SUCLA2: variants seen among roughly 807,000 people sequenced by gnomAD.
The protein encoded by SUCLA2 is succinate-CoA ligase ADP-forming subunit beta.
In SUCLA2, 30 loss-of-function variants were observed where a neutral mutation model predicts 54.8. The ratio of observed to expected loss-of-function variants is 0.55; its 90% confidence interval spans 0.41 to 0.74. The LOEUF (loss-of-function observed/expected upper bound fraction) is 0.74. Among genes scored for constraint, SUCLA2 ranks in the 30% least tolerant of loss-of-function variants. SUCLA2 has a pLI of 0.00. For synonymous variants in SUCLA2, 172 were observed against 188.9 expected (o/e 0.91, Z 0.74); for missense variants, 476 against 562.9 (o/e 0.85, Z 1.56).
At chr13:47,994,934 C>G in intron 2 of SUCLA2, 1 of 822,454 alleles carries the variant, frequency 1.2e-6, no homozygotes. Context: ...ATAATCAAAA[C>G]AGATTGGCAT....
At chr13:47,959,359 C>CTTGTAAGGTAAA (rs71099648) in intron 6 of SUCLA2, among the ~76,000 whole-genome samples, 2 of 150,928 alleles carry the variant, frequency 1.3e-5, no homozygotes, top group African/African-American at 4.9e-5. Context: ...GTGAAAAGAT[C>CTTGTAAGGTAAA]TTGCTGTCCT....
At chr13:47,948,884 G>T in intron 10 of SUCLA2, 56 bp downstream of exon 10, 1 of 1,495,998 alleles carries the variant, frequency 6.7e-7, no homozygotes, top group South Asian at 1.1e-5. Flanking sequence ...TAATAATTAG[G>T]TTCATTTTAG....
At chr13:47,970,860 A>C (rs78635299) in intron 5 of SUCLA2, among the ~76,000 whole-genome samples, 1 of 129,348 alleles carries the variant, frequency 7.7e-6, no homozygotes, top group Admixed American at 7.4e-5. Flanking sequence ...ACTCCGTCTC[A>C]AAAAAAAAAT....
At position 47,983,735 on chromosome 13, in the gene SUCLA2, C is replaced by T. The variant is rs558709132; in HGVS notation, c.534+4806G>A. On this transcript the variant is annotated intron_variant, in intron 4 of 10. Coordinates refer to ENST00000646932, the MANE Select transcript of SUCLA2 (RefSeq NM_003850.3). ...CGATCTCCTGACCTTGTGATCCACC[C>T]GCCTCGGCCTCTCAAAGTGCTGGGA... Among the ~76,000 whole-genome samples, 121 of 152,182 alleles carry T rather than the reference C, an allele frequency of 8.0e-4. 4 individuals are homozygous for T. Among genetic ancestry groups the T allele is most frequent in the South Asian group, 1.5e-3 (7 of 4,820 alleles).
chr13:47,959,634 G>A (rs1949851955), intron 6 of SUCLA2, among the ~76,000 whole-genome samples: 1 of 152,188 alleles, frequency 6.6e-6, no homozygotes, highest in Admixed American at 6.5e-5. Context: ...GATGGTCTGT[G>A]TAAGTCATAT....
chr13:47,954,715 C>A (rs1316282091), intron 6 of SUCLA2, among the ~76,000 whole-genome samples, 158 bp from the exon 7 acceptor site: 1 of 152,114 alleles, frequency 6.6e-6, no homozygotes, highest in Admixed American at 6.6e-5. Flanking sequence ...TCAAACTGTT[C>A]TTTAAAAAAG....
At chr13:47,957,871 C>A (rs1949834577) in intron 6 of SUCLA2, among the ~76,000 whole-genome samples, 1 of 152,172 alleles carries the variant, frequency 6.6e-6, no homozygotes, top group Non-Finnish European at 1.5e-5. Context: ...GAGGAAGCAC[C>A]TCAAGTGTGT....
chr13:47,999,132 T>TGCCACTAACTAGG (rs1247706127), intron 1 of SUCLA2, among the ~76,000 whole-genome samples: 1 of 152,118 alleles, frequency 6.6e-6, no homozygotes. Flanking sequence ...TGGCACCTAA[T>TGCCACTAACTAGG]TGGTTAGTTG....
chr13:47,994,104 T>G (rs560189260), intron 2 of SUCLA2, among the ~76,000 whole-genome samples: 2 of 151,488 alleles, frequency 1.3e-5, no homozygotes, highest in Non-Finnish European at 2.9e-5. Flanking sequence ...TAGCATTTTA[T>G]GAATTTTGCA....
At chr13:47,973,107 AAAT>A (rs1475898601) in intron 5 of SUCLA2, among the ~76,000 whole-genome samples, 154 bp downstream of exon 5, 3 of 152,326 alleles carry the variant, frequency 2.0e-5, no homozygotes, top group Non-Finnish European at 2.9e-5. Flanking sequence ...AAAAAATTGT[AAAT>A]AATTCCAAAA....
At chr13:47,963,081 T>G (rs1949884790) in intron 6 of SUCLA2, among the ~76,000 whole-genome samples, 1 of 152,176 alleles carries the variant, frequency 6.6e-6, no homozygotes, top group Admixed American at 6.5e-5. Flanking sequence ...GATTTGAGAC[T>G]GAGATCCTAT....
chr13:47,972,689 G>GA (rs1949977496), intron 5 of SUCLA2, among the ~76,000 whole-genome samples: 1 of 140,654 alleles, frequency 7.1e-6, no homozygotes, highest in African/African-American at 2.6e-5. Flanking sequence ...AAAAAAGAAA[G>GA]AAAGAAAAGA....
intron 8 of SUCLA2, 128 bp downstream of exon 8, chr13:47,954,012 A>G: frequency 2.3e-6 from 2 of 873,504 alleles, no homozygotes; most frequent in Non-Finnish European, 3.1e-6. Context: ...TAGCAAAAAA[A>G]GACTCAAAAT....
At chr13:47,983,278 A>G (rs1028478122) in intron 4 of SUCLA2, among the ~76,000 whole-genome samples, 1 of 152,338 alleles carries the variant, frequency 6.6e-6, no homozygotes, top group Non-Finnish European at 1.5e-5. Flanking sequence ...TCTCTCTAGC[A>G]AGGCAGTGCA....
chr13:47,955,689 A>G (rs1045579544), intron 6 of SUCLA2, among the ~76,000 whole-genome samples: 7 of 151,994 alleles, frequency 4.6e-5, no homozygotes, highest in Admixed American at 3.9e-4. Context: ...CTTGTACCAA[A>G]TTTTTTTCCT....
intron 4 of SUCLA2, among the ~76,000 whole-genome samples, chr13:47,983,702 G>A (rs575335986): frequency 1.3e-5 from 2 of 152,202 alleles, no homozygotes; most frequent in South Asian, 4.1e-4. Context: ...TGTTAGCCAG[G>A]ATGGTCTCGA....
At chr13:47,959,205 T>C (rs1403429868) in intron 6 of SUCLA2, among the ~76,000 whole-genome samples, 1 of 152,068 alleles carries the variant, frequency 6.6e-6, no homozygotes, top group Non-Finnish European at 1.5e-5. Context: ...TATCTAAAAG[T>C]TAATTCAAAT....
rs9567958 is a variant in SUCLA2, at chr13:47,949,907, A to T, written c.1108-304T>A. ...CTCTTGTTAAATTTGGCCATTCACC[A>T]ACGTGACTACCCCCAGATCATACTG... On this transcript the variant is annotated intron_variant, in intron 8 of 10. Coordinates refer to ENST00000646932, the MANE Select transcript of SUCLA2 (RefSeq NM_003850.3). Among the ~76,000 whole-genome samples the T allele has an allele frequency of 0.62, 95,080 of 152,134 alleles. 30,681 individuals carry two copies. The highest frequency in any genetic ancestry group is 0.77 in the East Asian group (4,001 of 5,172).
At chr13:47,999,568 G>A (rs899448731) in intron 1 of SUCLA2, among the ~76,000 whole-genome samples, 18 of 152,098 alleles carry the variant, frequency 1.2e-4, no homozygotes, top group African/African-American at 4.1e-4. Context: ...TTAGCCGGAC[G>A]TGGTGGCAGG....
Sources: gnomAD v4.1 joint callset for allele counts (sites outside exome capture counted in the v4.1 genomes callset) on GRCh38, gnomAD v4.1.1 for gene constraint, MANE v1.5 for transcripts, NCBI Gene and HGNC (gene_info 2026-07-23, HGNC 2026-07-21) for gene names.